ONECUT1: variants seen among roughly 807,000 people sequenced by gnomAD.
ONECUT1 encodes one cut homeobox 1.
A neutral mutation model predicts 25.6 loss-of-function variants in ONECUT1; 12 were observed. That is an observed-to-expected ratio of 0.47 (90% CI 0.30 to 0.76). The LOEUF (loss-of-function observed/expected upper bound fraction) is 0.76, where lower values mean the gene tolerates loss of function less well. ONECUT1 is among the 30% of genes least tolerant of loss of function. The pLI is 0.07. For synonymous variants in ONECUT1, 285 were observed against 270.2 expected, an observed-to-expected ratio of 1.05 and a Z score of -0.54; for missense variants, 620 against 651.2, an observed-to-expected ratio of 0.95 and a Z score of 0.52.
At chr15:52,758,095 G>A (rs1279999601) in intron 1 of ONECUT1, among the ~76,000 whole-genome samples, 1 of 152,172 alleles carries the variant, frequency 6.6e-6, no homozygotes, top group Non-Finnish European at 1.5e-5. Flanking sequence ...TTTGTCCTGG[G>A]TAAGTCAGTT....
intron 1 of ONECUT1, among the ~76,000 whole-genome samples, chr15:52,763,537 T>C (rs1254452149): frequency 6.6e-6 from 1 of 152,222 alleles, no homozygotes; most frequent in Admixed American, 6.5e-5. Context: ...TTGTGAACAA[T>C]GAGTTGTGAG....
rs200793681 is a variant in ONECUT1, at chr15:52,788,979, G to T, written c.906C>A (p.Thr302=). Residue 302 remains threonine (T), a synonymous_variant, in exon 1 of 2, where the codon ACC becomes ACA. Transcript: ENST00000305901. This position sits in a 1 kb window ranked among gnomAD's most constrained non-coding sequence, Gnocchi z 4.3. Reference sequence around the variant, plus strand: ...GGATGCTGTAGCGCTTGAGCTCGGTGGTGATACGCTGCGCCACCTCTTTGG... The same window carrying T: ...GGATGCTGTAGCGCTTGAGCTCGGTTGTGATACGCTGCGCCACCTCTTTGG... ...INTKEVAQRI[T]TELKRYSIPQ... is the part of the protein sequence containing the mutation. The T allele has an allele frequency of 6.2e-7, 1 of 1,612,598 alleles. No individual in the cohort carries two copies. The highest frequency in any genetic ancestry group is 1.7e-5 in the Admixed American group (1 of 60,032).
chr15:52,764,222 T>C (rs1454842072), intron 1 of ONECUT1, among the ~76,000 whole-genome samples: 4 of 152,220 alleles, frequency 2.6e-5, no homozygotes, highest in African/African-American at 4.8e-5. Context: ...CAAATGAACT[T>C]ATGATACAGC....
At chr15:52,759,675 T>A (rs554506649) in intron 1 of ONECUT1, among the ~76,000 whole-genome samples, 1 of 152,236 alleles carries the variant, frequency 6.6e-6, no homozygotes, top group African/African-American at 2.4e-5. Flanking sequence ...CTTGGCACAC[T>A]GCAACCTCTG....
chr15:52,789,622 G>C lies in ONECUT1; in HGVS notation c.263C>G (p.Thr88Ser). The C allele has an allele frequency of 5.1e-6, 8 of 1,562,838 alleles. No homozygotes were observed. The highest frequency in any genetic ancestry group is 6.9e-6 in the Non-Finnish European group (8 of 1,153,084). Residue 88 changes from threonine (T) to serine (S), a missense_variant, in exon 1 of 2, where the codon ACC becomes AGC. Coordinates refer to ENST00000305901, the MANE Select transcript of ONECUT1 (RefSeq NM_004498.4). This position sits in a 1 kb window ranked among gnomAD's most constrained non-coding sequence, Gnocchi z 4.1. ...ACCTGGGGGAGTCTCGCAGGCCATG[G>C]TCATGGTGGGATGCAGGGGGCCGGC... ...SLAGPLHPTM[T>S]MACETPPGMS...
chr15:52,782,707 A>G (rs2083849116), intron 1 of ONECUT1, among the ~76,000 whole-genome samples: 1 of 152,236 alleles, frequency 6.6e-6, no homozygotes, highest in Non-Finnish European at 1.5e-5. Context: ...GTTGGGGGCC[A>G]TTCAATTTTA....
chr15:52,766,002 G>A (rs1032364184), intron 1 of ONECUT1, among the ~76,000 whole-genome samples: 1 of 152,266 alleles, frequency 6.6e-6, no homozygotes, highest in African/African-American at 2.4e-5. Context: ...ACAACCTACT[G>A]GACATGAGCT....
intron 1 of ONECUT1, among the ~76,000 whole-genome samples, chr15:52,779,604 A>T (rs1205777818): frequency 6.6e-6 from 1 of 152,196 alleles, no homozygotes; most frequent in Non-Finnish European, 1.5e-5. Flanking sequence ...TCCTTGGATC[A>T]TTCCCCATAC....
At chr15:52,780,645 A>G in intron 1 of ONECUT1, 3 of 1,534,776 alleles carry the variant, frequency 2.0e-6, no homozygotes, top group Non-Finnish European at 1.7e-6. Context: ...CGCTTTAGCC[A>G]CTCCTCTCAC....
chr15:52,772,861 G>T (rs1328149151), intron 1 of ONECUT1, among the ~76,000 whole-genome samples: 2 of 152,296 alleles, frequency 1.3e-5, no homozygotes, highest in African/African-American at 4.8e-5. Flanking sequence ...TGTTTAAAGT[G>T]TTATTTTATA....
In ONECUT1 at chr15:52,788,793, C is replaced by A. The variant is rs780282813; in HGVS notation, c.1092G>T (p.Ala364=). Residue 364 remains alanine (A), a synonymous_variant, in exon 1 of 2, where the codon GCG becomes GCT. Coordinates refer to ENST00000305901, the MANE Select transcript of ONECUT1 (RefSeq NM_004498.4). This position sits in a 1 kb window ranked among gnomAD's most constrained non-coding sequence, Gnocchi z 4.3. ...TGGCCGGCTCACCTGCTAAGCGGAG[C>A]GCGGACATGCGCTGGAACTCCGGCT... ...LQEPEFQRMS[A]LRLAACKRKE... The A allele has an allele frequency of 8.1e-6, 13 of 1,610,784 alleles. No homozygotes were observed. Among genetic ancestry groups the A allele is most frequent in the Non-Finnish European group, 8.5e-7 (1 of 1,178,034 alleles).
intron 1 of ONECUT1, among the ~76,000 whole-genome samples, chr15:52,770,981 CA>C (rs1257091670): frequency 6.6e-6 from 1 of 152,104 alleles, no homozygotes; most frequent in Non-Finnish European, 1.5e-5. Flanking sequence ...TTGATGGGAA[CA>C]TCAATTGGAA....
At position 52,765,866 on chromosome 15, in the gene ONECUT1, G is replaced by A. The variant is rs563183452; in HGVS notation, c.1106-8019C>T. 2.7e-4 allele frequency among the ~76,000 whole-genome samples: 41 copies of A among 152,344 alleles called. 1 individual carries two copies. Among genetic ancestry groups the A allele is most frequent in the Admixed American group, 2.7e-3 (41 of 15,300 alleles). ...GCAAATTCAGAGGGCACAGCCCAGT[G>A]TGCCATTTGAAAAGCAACACGAGTG... On this transcript the variant is annotated intron_variant, in intron 1 of 1. Transcript: ENST00000305901.
chr15:52,789,755 G>A lies in ONECUT1; in HGVS notation c.130C>T (p.His44Tyr), dbSNP rs1473324386. Residue 44 changes from histidine (H) to tyrosine (Y), a missense_variant, in exon 1 of 2, where the codon CAC becomes TAC. Physicochemically the swap from His to Tyr is moderately conservative, Grantham distance 83. Around this residue, in one of 4 missense-constraint regions of ONECUT1, gnomAD observed 440 missense variants for 404.9 expected, o/e 1.09. Coordinates refer to ENST00000305901, the MANE Select transcript of ONECUT1 (RefSeq NM_004498.4). The surrounding 1 kb of genome is among the most constrained non-coding windows in gnomAD (Gnocchi z 4.1). ...GAGCGCGGGTGCGCGGGGGGCAGGT[G>A]GCTGCCGCGGTGCGCCACGGAGCTG... Reference protein sequence around the residue: ...ARSSVAHRGSHLPPAHPRSMG... With the variant: ...ARSSVAHRGSYLPPAHPRSMG... 1 of 1,405,978 alleles carries A rather than the reference G, an allele frequency of 7.1e-7. No individual in the cohort carries two copies. The highest frequency in any genetic ancestry group is 1.5e-5 in the African/African-American group (1 of 66,486). The allele number at this position is 1,405,978 out of a possible 1,614,324, so 87.1% of individuals were successfully genotyped here. A position where few individuals can be genotyped will look rare whatever the true frequency, so the allele number is the denominator to read the frequency against.
At position 52,770,499 on chromosome 15, in the gene ONECUT1, G is replaced by A. The variant is rs1024824310; in HGVS notation, c.1106-12652C>T. ...CCAGGTGATGTCTAGCTGCTGGTCCGGGACTGCACTCTGAGTAACAAGGGC... is the reference window on the plus strand; with the variant it reads ...CCAGGTGATGTCTAGCTGCTGGTCCAGGACTGCACTCTGAGTAACAAGGGC... On this transcript the variant is annotated intron_variant, in intron 1 of 1. Coordinates refer to ENST00000305901, the MANE Select transcript of ONECUT1 (RefSeq NM_004498.4). Among the ~76,000 whole-genome samples, 9 of 152,216 alleles carry A rather than the reference G, an allele frequency of 5.9e-5. 1 individual carries two copies. Among genetic ancestry groups the A allele is most frequent in the Middle Eastern group, 6.8e-3 (2 of 294 alleles).
intron 1 of ONECUT1, among the ~76,000 whole-genome samples, chr15:52,771,052 CTAGT>C (rs1236730804): frequency 6.6e-6 from 1 of 152,026 alleles, no homozygotes; most frequent in Non-Finnish European, 1.5e-5. Context: ...TACTTTTGAT[CTAGT>C]AATTAACACT....
chr15:52,757,522 T>C lies in ONECUT1; in HGVS notation c.*33A>G, dbSNP rs371619289. 152 of 1,567,944 alleles carry C rather than the reference T, an allele frequency of 9.7e-5. No homozygotes were observed. The highest frequency in any genetic ancestry group is 1.3e-4 in the Non-Finnish European group (147 of 1,161,526). On this transcript the variant is annotated 3_prime_UTR_variant, in exon 2 of 2. Coordinates refer to ENST00000305901, the MANE Select transcript of ONECUT1 (RefSeq NM_004498.4). ...TAAAAATTTTTTTTAATTTAAAGCT[T>C]TTCCACCGAGGTTTTAGTTTGTGGT...
intron 1 of ONECUT1, among the ~76,000 whole-genome samples, chr15:52,763,894 AT>A (rs1453935702): frequency 3.3e-5 from 5 of 152,200 alleles, no homozygotes; most frequent in Non-Finnish European, 7.3e-5. Flanking sequence ...CTAGTAATAT[AT>A]TTTTTATTGT....
intron 1 of ONECUT1, among the ~76,000 whole-genome samples, chr15:52,773,244 A>AAG (rs57065378): frequency 0.52 from 77,433 of 150,352 alleles, 19,906 homozygotes; most frequent in Non-Finnish European, 0.53. Flanking sequence ...GAGAGAGAGA[A>AAG]AGAGAGAGAG....
Sources: allele counts gnomAD v4.1 joint callset (sites outside exome capture counted in the v4.1 genomes callset), GRCh38; gene constraint gnomAD v4.1.1; regional missense constraint gnomAD v4.1.1; non-coding constraint Gnocchi (gnomAD v3.1); transcripts MANE v1.5; gene names NCBI Gene and HGNC (gene_info 2026-07-23, HGNC 2026-07-21).